Variants in G2E3 observed in about 807,000 individuals in gnomAD.
G2E3 encodes G2/M phase-specific E3 ubiquitin-protein ligase.
In G2E3, 35 loss-of-function variants were observed where a neutral mutation model predicts 92.8. That is an observed-to-expected ratio of 0.38 (90% CI 0.29 to 0.50). The LOEUF is 0.50. Among genes scored for constraint, G2E3 ranks in the 20% least tolerant of loss-of-function variants. The probability of loss-of-function intolerance (pLI) is 0.94; values close to 1 mark genes in which losing one functional copy is unlikely to be tolerated. For missense variants in G2E3, 554 were observed against 823.8 expected, an observed-to-expected ratio of 0.67 and a Z score of 4.01; for synonymous variants, 242 against 272.4, an observed-to-expected ratio of 0.89 and a Z score of 1.10.
At chr14:30,593,665 C>T (rs533648221) in intron 6 of G2E3, 26 bp downstream of exon 6, 3 of 1,504,118 alleles carry the variant, frequency 2.0e-6, no homozygotes, top group Admixed American at 1.8e-5. Flanking sequence ...TGTAAGCTTT[C>T]TCTGATTGAT....
chr14:30,613,752 G>C (rs1014862369), intron 13 of G2E3, among the ~76,000 whole-genome samples: 1 of 151,004 alleles, frequency 6.6e-6, no homozygotes, highest in Non-Finnish European at 1.5e-5. Flanking sequence ...AGTGTGTCCT[G>C]ATAATTCTAA....
In G2E3 at chr14:30,581,605, GGC is replaced by G. The variant is rs1431290366; in HGVS notation, c.37+490_37+491del. ...TAATCCCAGCTACTCGCTAGGCCGA[GGC>G]AGGAGAATCGCTTGAACCCGGGAGG... On this transcript the variant is annotated intron_variant, in intron 2 of 14. Transcript: ENST00000206595. 2.8e-4 allele frequency among the ~76,000 whole-genome samples: 42 copies of G among 152,304 alleles called. 1 individual carries two copies. Among genetic ancestry groups the G allele is most frequent in the African/African-American group, 9.1e-4 (38 of 41,556 alleles).
At position 30,584,958 on chromosome 14, in the gene G2E3, A is replaced by G. The variant is rs181793189; in HGVS notation, c.38-1760A>G. 1.7e-4 allele frequency among the ~76,000 whole-genome samples: 25 copies of G among 151,018 alleles called. No individual in the cohort carries two copies. In the East Asian group the frequency reaches 4.1e-3, roughly 25 times the overall value. On this transcript the variant is annotated intron_variant, in intron 2 of 14. Coordinates refer to ENST00000206595, the MANE Select transcript of G2E3 (RefSeq NM_017769.5). ...GCAATTCTTCTTCCTCAGCCTCCCG[A>G]GTAGCTGGGATTACAGGCACACACC...
At chr14:30,571,922 T>C (rs1252511804) in intron 1 of G2E3, among the ~76,000 whole-genome samples, 3 of 149,290 alleles carry the variant, frequency 2.0e-5, no homozygotes, top group Non-Finnish European at 4.4e-5. Flanking sequence ...ATATAGGTTT[T>C]AGAATCAGCA....
chr14:30,613,455 G>T (rs899996411), intron 13 of G2E3, among the ~76,000 whole-genome samples: 2 of 151,970 alleles, frequency 1.3e-5, no homozygotes, highest in African/African-American at 4.8e-5. Context: ...TAATTCTTTC[G>T]ATGTGAGCCT....
chr14:30,561,553 T>A (rs1339463195), intron 1 of G2E3, among the ~76,000 whole-genome samples: 1 of 152,244 alleles, frequency 6.6e-6, no homozygotes, highest in Non-Finnish European at 1.5e-5. Context: ...CTATCAATAC[T>A]ACTAGAATTC....
intron 1 of G2E3, chr14:30,574,422 A>T (rs1213375132): frequency 2.0e-5 from 3 of 150,324 alleles, no homozygotes; most frequent in African/African-American, 4.9e-5. Flanking sequence ...TTTTTTTTTT[A>T]ACTTTTTTTT....
intron 6 of G2E3, among the ~76,000 whole-genome samples, chr14:30,595,167 G>A (rs2138860655): frequency 6.6e-6 from 1 of 152,202 alleles, no homozygotes; most frequent in Non-Finnish European, 1.5e-5. Context: ...AGCCTGTTTT[G>A]TTGGGGAAAT....
At chr14:30,601,284 G>C (rs1262363518) in intron 8 of G2E3, among the ~76,000 whole-genome samples, 1 of 152,228 alleles carries the variant, frequency 6.6e-6, no homozygotes, top group Non-Finnish European at 1.5e-5. Context: ...GCTGGGAACA[G>C]ATGACAGAGA....
At chr14:30,562,224 T>A (rs570269025) in intron 1 of G2E3, among the ~76,000 whole-genome samples, 7 of 152,194 alleles carry the variant, frequency 4.6e-5, no homozygotes, top group African/African-American at 1.7e-4. Flanking sequence ...CACGAGCTGT[T>A]CCAGTATAAT....
chr14:30,561,499 C>T (rs906585013), intron 1 of G2E3, among the ~76,000 whole-genome samples: 3 of 152,148 alleles, frequency 2.0e-5, no homozygotes, highest in African/African-American at 7.2e-5. Flanking sequence ...TCCCAAGGAC[C>T]ATCTTCATAA....
chr14:30,608,605 T>G (rs1438398514), intron 12 of G2E3, among the ~76,000 whole-genome samples: 1 of 152,224 alleles, frequency 6.6e-6, no homozygotes, highest in African/African-American at 2.4e-5. Context: ...CTAAAAATAG[T>G]TCATTTATTC....
chr14:30,594,877 C>T (rs1412507618), intron 6 of G2E3, among the ~76,000 whole-genome samples: 1 of 151,000 alleles, frequency 6.6e-6, no homozygotes, highest in East Asian at 1.9e-4. Context: ...GCCTGTAATC[C>T]CAGCATTCTG....
chr14:30,604,359 C>T (rs571293461), intron 10 of G2E3, among the ~76,000 whole-genome samples: 2 of 152,224 alleles, frequency 1.3e-5, no homozygotes, highest in Non-Finnish European at 2.9e-5. Flanking sequence ...CAGATTCATA[C>T]TTGGTATGGA....
intron 6 of G2E3, among the ~76,000 whole-genome samples, chr14:30,595,416 G>C (rs1441096642): frequency 6.6e-6 from 1 of 152,062 alleles, no homozygotes; most frequent in Non-Finnish European, 1.5e-5. Flanking sequence ...TCATTTATTT[G>C]TTAATAATTA....
chr14:30,592,258 T>G, intron 4 of G2E3, 65 bp from the exon 5 acceptor site: 2 of 1,373,712 alleles, frequency 1.5e-6, no homozygotes. Flanking sequence ...TTTATTTATG[T>G]CTTGATCATA....
intron 10 of G2E3, among the ~76,000 whole-genome samples, chr14:30,604,828 A>T (rs923475050): frequency 6.6e-6 from 1 of 152,238 alleles, no homozygotes; most frequent in African/African-American, 2.4e-5. Context: ...CAATTAAGAA[A>T]GTTAATTATA....
At position 30,593,642 on chromosome 14, in the gene G2E3, A is replaced by G. The variant is rs370503701; in HGVS notation, c.528+3A>G. The G allele has an allele frequency of 6.5e-5, 103 of 1,585,780 alleles. No homozygotes were observed. The African/African-American group carries it at 1.1e-3, about 17-fold the overall frequency. On this transcript the variant is annotated splice_donor_region_variant and intron_variant, in intron 6 of 14. Transcript: ENST00000206595. ...GGTTTCATAGAGACTGTTTACAGGT[A>G]AGATACATATTTTGTAAGCTTTCTC...
intron 8 of G2E3, among the ~76,000 whole-genome samples, chr14:30,600,661 T>C (rs1038638139): frequency 1.3e-5 from 2 of 152,252 alleles, no homozygotes; most frequent in African/African-American, 2.4e-5. Flanking sequence ...GACAAAGATA[T>C]TGTCTATCTG....
Sources: gnomAD v4.1 joint callset for allele counts (sites outside exome capture counted in the v4.1 genomes callset) on GRCh38, gnomAD v4.1.1 for gene constraint, MANE v1.5 for transcripts, NCBI Gene and HGNC (gene_info 2026-07-23, HGNC 2026-07-21) for gene names.